COL5A2: variants seen among roughly 807,000 people sequenced by gnomAD.
The protein encoded by COL5A2 is collagen alpha-2(V) chain.
A neutral mutation model predicts 208.2 loss-of-function variants in COL5A2; 23 were observed. That is an observed-to-expected ratio of 0.11 (90% CI 0.08 to 0.16). The LOEUF is 0.16. Among genes scored for constraint, COL5A2 ranks in the 10% least tolerant of loss-of-function variants. The pLI is 1.00. For synonymous variants in COL5A2, 625 were observed against 628.5 expected (o/e 0.99, Z 0.08); for missense variants, 1,590 against 1,956.4 (o/e 0.81, Z 3.53).
intron 1 of COL5A2, among the ~76,000 whole-genome samples, chr2:189,213,666 T>C (rs79629441): frequency 0.028 from 4,245 of 152,290 alleles, 172 homozygotes; most frequent in East Asian, 0.19. Context: ...AGAGAATTTA[T>C]AGATTAAAAG....
the COL5A2 span, among the ~76,000 whole-genome samples, chr2:189,359,111 T>G: frequency 6.6e-6 from 1 of 152,168 alleles, no homozygotes; most frequent in Non-Finnish European, 1.5e-5. Context: ...TTATGATGAG[T>G]AGAAGTGACA....
the COL5A2 span, among the ~76,000 whole-genome samples, chr2:189,256,823 T>C: frequency 6.6e-5 from 10 of 152,038 alleles, no homozygotes; most frequent in Non-Finnish European, 1.3e-4. Context: ...AGAGACAGGG[T>C]TTCACCATGT....
chr2:189,042,781 G>A lies in COL5A2; in HGVS notation c.3472-8C>T. On this transcript the variant is annotated splice_polypyrimidine_tract_variant and splice_region_variant and intron_variant, in intron 48 of 53. Coordinates refer to ENST00000374866, the MANE Select transcript of COL5A2 (RefSeq NM_000393.5). ...TTGTTCACCATTTGGACCCTAAGTA[G>A]GAATACAATAAAAAATGTTGCCAAA... 6.2e-7 allele frequency: 1 copy of A among 1,602,444 alleles called. No individual in the cohort carries two copies. Among genetic ancestry groups the A allele is most frequent in the East Asian group, 2.2e-5 (1 of 44,820 alleles).
At chr2:189,399,761 G>A in the COL5A2 span, among the ~76,000 whole-genome samples, 1 of 152,112 alleles carries the variant, frequency 6.6e-6, no homozygotes, top group African/African-American at 2.4e-5. Context: ...GTGCAGCAGT[G>A]TGATCATGGC....
At chr2:189,234,233 A>C in the COL5A2 span, among the ~76,000 whole-genome samples, 6 of 151,664 alleles carry the variant, frequency 4.0e-5, 1 homozygote, top group African/African-American at 1.2e-4. Context: ...GTCCCATTCC[A>C]CTACACACAC....
chr2:189,352,072 T>TA, the COL5A2 span, among the ~76,000 whole-genome samples: 4 of 152,160 alleles, frequency 2.6e-5, no homozygotes, highest in Admixed American at 2.6e-4. Flanking sequence ...GTTCTTGTGT[T>TA]AGTTTGCTGA....
chr2:189,198,050 C>G (rs1467125700), intron 1 of COL5A2, among the ~76,000 whole-genome samples: 1 of 151,996 alleles, frequency 6.6e-6, no homozygotes, highest in Non-Finnish European at 1.5e-5. Context: ...GGGGTTTCAC[C>G]ATGTTAGCCA....
In COL5A2 at chr2:189,096,888, CTTG is replaced by C. The variant is rs376443835; in HGVS notation, c.456+386_456+388del. Among the ~76,000 whole-genome samples the C allele has an allele frequency of 3.3e-5, 5 of 152,198 alleles. No individual in the cohort carries two copies. In the East Asian group the frequency reaches 5.8e-4, roughly 18 times the overall value. On this transcript the variant is annotated intron_variant, in intron 6 of 53. Coordinates refer to ENST00000374866, the MANE Select transcript of COL5A2 (RefSeq NM_000393.5). ...GGCGGAGTGCTACCTGGGAAATAAA[CTTG>C]TTGTGCAACCACTTGAAAGAAAATT...
chr2:189,315,983 G>C, the COL5A2 span, among the ~76,000 whole-genome samples: 1 of 152,138 alleles, frequency 6.6e-6, no homozygotes, highest in African/African-American at 2.4e-5. Flanking sequence ...AGGTCGTGGA[G>C]AAAAAGGAAT....
the COL5A2 span, among the ~76,000 whole-genome samples, chr2:189,331,349 T>G: frequency 6.6e-6 from 1 of 152,092 alleles, no homozygotes; most frequent in African/African-American, 2.4e-5. Flanking sequence ...GTCAACATGG[T>G]GAAATCCCAT....
chr2:189,085,867 T>C, intron 9 of COL5A2, 95 bp from the exon 10 acceptor site: 1 of 1,013,284 alleles, frequency 9.9e-7, no homozygotes, highest in African/African-American at 1.6e-5. Flanking sequence ...TTTAGACAGT[T>C]GGCTCTGCCA....
chr2:189,416,207 C>G, the COL5A2 span, among the ~76,000 whole-genome samples: 1 of 152,194 alleles, frequency 6.6e-6, no homozygotes, highest in Non-Finnish European at 1.5e-5. Context: ...CATCCCATTA[C>G]TGGGTATATA....
At chr2:189,105,824 C>T (rs1687137914) in intron 2 of COL5A2, among the ~76,000 whole-genome samples, 1 of 151,332 alleles carries the variant, frequency 6.6e-6, no homozygotes, top group African/African-American at 2.4e-5. Flanking sequence ...ATAATTTGTG[C>T]TAGTGTAGAA....
chr2:189,354,343 T>C, the COL5A2 span, among the ~76,000 whole-genome samples: 2 of 152,238 alleles, frequency 1.3e-5, no homozygotes, highest in Admixed American at 6.5e-5. Context: ...TGGAATAGTT[T>C]CTGAATGAGT....
At position 189,062,464 on chromosome 2, in the gene COL5A2, G is replaced by A. The variant is rs569529403; in HGVS notation, c.1977+401C>T. On this transcript the variant is annotated intron_variant, in intron 29 of 53. Transcript: ENST00000374866. ...CTCCCTAAGTGCTGGGATTACAGGCGTGAGCCACCATGCCCGGCCTTACAT... is the reference window on the plus strand; with the variant it reads ...CTCCCTAAGTGCTGGGATTACAGGCATGAGCCACCATGCCCGGCCTTACAT... Among the ~76,000 whole-genome samples the A allele has an allele frequency of 7.2e-5, 11 of 152,042 alleles. No individual in the cohort carries two copies. The South Asian group carries it at 1.0e-3, about 14-fold the overall frequency.
At chr2:189,420,111 G>A in the COL5A2 span, among the ~76,000 whole-genome samples, 1 of 149,780 alleles carries the variant, frequency 6.7e-6, no homozygotes, top group African/African-American at 2.5e-5. Flanking sequence ...AAGGAAGGGA[G>A]GGAGGAAAAA....
In COL5A2 at chr2:189,066,488, C is replaced by T. The variant is rs777609980; in HGVS notation, c.1465G>A (p.Gly489Ser). ...AGPKGEPGPH[G>S]IQGPIGPPGE... The stretch of plus-strand genomic sequence containing the variant: ...GGTGGGCCTATCGGACCCTGAATAC[C>T]ATGTGGCCCCTGTTAAAAACAGAAG... Residue 489 changes from glycine (G) to serine (S), a missense_variant, in exon 23 of 54, where the codon GGT (glycine) becomes AGT (serine). Transcript: ENST00000374866. The T allele has an allele frequency of 2.5e-6, 4 of 1,614,100 alleles. No individual in the cohort carries two copies. In the South Asian group the frequency reaches 4.4e-5, roughly 18 times the overall value.
At chr2:189,296,262 T>G in the COL5A2 span, among the ~76,000 whole-genome samples, 1 of 152,162 alleles carries the variant, frequency 6.6e-6, no homozygotes, top group African/African-American at 2.4e-5. Flanking sequence ...ATTTTTTTTA[T>G]TCTAGGACTT....
At chr2:189,330,066 G>C in the COL5A2 span, among the ~76,000 whole-genome samples, 2 of 152,138 alleles carry the variant, frequency 1.3e-5, no homozygotes, top group Admixed American at 1.3e-4. Flanking sequence ...TGGTCTAACA[G>C]TCTAGAATTC....
Sources: gnomAD v4.1 joint callset for allele counts (sites outside exome capture counted in the v4.1 genomes callset) on GRCh38, gnomAD v4.1.1 for gene constraint, MANE v1.5 for transcripts, NCBI Gene and HGNC (gene_info 2026-07-23, HGNC 2026-07-21) for gene names.